Variants in PDZD2 observed in about 807,000 individuals in gnomAD.
The protein encoded by PDZD2 is PDZ domain containing 2, also known as PDZ domain-containing protein 2.
A neutral mutation model predicts 220.7 loss-of-function variants in PDZD2; 90 were observed. The ratio of observed to expected loss-of-function variants is 0.41; its 90% CI spans 0.34 to 0.49. PDZD2 has a LOEUF of 0.49. PDZD2 is among the 20% of genes least tolerant of loss of function. The probability of loss-of-function intolerance (pLI) is 0.28; values close to 1 mark genes in which losing one functional copy is unlikely to be tolerated. For missense variants in PDZD2, 3,174 were observed against 3,608.5 expected, an observed-to-expected ratio of 0.88 and a Z score of 3.08; for synonymous variants, 1,375 against 1,450.5, an observed-to-expected ratio of 0.95 and a Z score of 1.18.
intron 1 of PDZD2, among the ~76,000 whole-genome samples, chr5:31,759,140 C>T (rs1419449438): frequency 6.6e-6 from 1 of 152,006 alleles, no homozygotes; most frequent in Non-Finnish European, 1.5e-5. Flanking sequence ...TTGCCGTGCC[C>T]ACCCCCTCCT....
chr5:31,786,560 G>A (rs991732963), intron 1 of PDZD2, among the ~76,000 whole-genome samples: 33 of 152,164 alleles, frequency 2.2e-4, no homozygotes, highest in African/African-American at 7.2e-4. Context: ...GTCTGATAAA[G>A]CAATTTAGCC....
intron 2 of PDZD2, among the ~76,000 whole-genome samples, chr5:31,813,449 CAAAAAAAAAAAAAAAA>C (rs60551914): frequency 1.1e-5 from 1 of 94,190 alleles, no homozygotes; most frequent in Non-Finnish European, 1.9e-5. Flanking sequence ...GACTCCGTCT[CAAAAAAAAAAAAAAAA>C]AAAAAAAAAA....
chr5:32,010,594 A>G (rs1753215510), intron 6 of PDZD2, 112 bp downstream of exon 6: 3 of 777,078 alleles, frequency 3.9e-6, no homozygotes, highest in Middle Eastern at 2.3e-4. Context: ...CCATGATGGG[A>G]AAAGACACCA....
chr5:31,953,858 C>G (rs552262176), intron 2 of PDZD2, among the ~76,000 whole-genome samples: 1 of 152,106 alleles, frequency 6.6e-6, no homozygotes, highest in African/African-American at 2.4e-5. Flanking sequence ...ACCATGTTGG[C>G]CAGGGTGGTC....
chr5:31,891,599 G>A (rs1280097210), intron 2 of PDZD2, among the ~76,000 whole-genome samples: 2 of 152,202 alleles, frequency 1.3e-5, no homozygotes, highest in African/African-American at 4.8e-5. Flanking sequence ...ACAGGCATGA[G>A]CCACCATGCC....
rs1023636864 is a variant in PDZD2 at position 32,098,815 on chromosome 5, A to C, written c.8218+181A>C. ...AGTGTTACAAATAAATTAGAAAAAAATTAGAAAATTAGAAAAATCCCCCCA... is the reference window on the plus strand; with the variant it reads ...AGTGTTACAAATAAATTAGAAAAAACTTAGAAAATTAGAAAAATCCCCCCA... On this transcript the variant is annotated intron_variant, in intron 23 of 24. Coordinates refer to ENST00000438447, the MANE Select transcript of PDZD2 (RefSeq NM_178140.4). This position sits in a 1 kb window ranked among gnomAD's most constrained non-coding sequence, Gnocchi z 4.1. 6.6e-6 allele frequency among the ~76,000 whole-genome samples: 1 copy of C among 152,226 alleles called. No individual in the cohort carries two copies. Among genetic ancestry groups the C allele is most frequent in the African/African-American group, 2.4e-5 (1 of 41,460 alleles).
chr5:32,089,400 G>GC lies in PDZD2; in HGVS notation c.5956dup (p.Leu1986ProfsTer9). 6.2e-7 allele frequency: 1 copy of GC among 1,614,008 alleles called. No individual in the cohort carries two copies. Among genetic ancestry groups the GC allele is most frequent in the Non-Finnish European group, 8.5e-7 (1 of 1,180,024 alleles). On this transcript the variant is annotated frameshift_variant, in exon 20 of 25. Coordinates refer to ENST00000438447, the MANE Select transcript of PDZD2 (RefSeq NM_178140.4). LOFTEE classifies it high-confidence loss of function. Reference sequence around the variant, plus strand: ...ACACGAGCATCAGGACATTTGTCTCGCCCCTGACCTCTCCCAAGCCTGTTC... The same window carrying GC: ...ACACGAGCATCAGGACATTTGTCTCGCCCCCTGACCTCTCCCAAGCCTGTTC...
At chr5:31,862,552 C>A (rs1310141982) in intron 2 of PDZD2, among the ~76,000 whole-genome samples, 1 of 150,084 alleles carries the variant, frequency 6.7e-6, no homozygotes, top group East Asian at 2.0e-4. Context: ...AACCATGGCA[C>A]CTTTTCTTTT....
intron 1 of PDZD2, among the ~76,000 whole-genome samples, chr5:31,714,192 C>T (rs1003527794): frequency 3.9e-5 from 6 of 152,146 alleles, no homozygotes; most frequent in Non-Finnish European, 5.9e-5. Context: ...TAAGTTTTTC[C>T]AGGAAAGTTT....
At chr5:31,723,878 A>G (rs1385586046) in intron 1 of PDZD2, among the ~76,000 whole-genome samples, 1 of 152,050 alleles carries the variant, frequency 6.6e-6, no homozygotes, top group African/African-American at 2.4e-5. Context: ...TCGACCTCCC[A>G]AAGTGCTGGG....
At chr5:32,064,404 A>G (rs1183935482) in intron 14 of PDZD2, among the ~76,000 whole-genome samples, 4 of 151,668 alleles carry the variant, frequency 2.6e-5, no homozygotes, top group Non-Finnish European at 5.9e-5. Context: ...GCCACGCTCA[A>G]CTAATCTTTT....
At chr5:31,957,750 A>G (rs1747841827) in intron 2 of PDZD2, among the ~76,000 whole-genome samples, 2 of 152,236 alleles carry the variant, frequency 1.3e-5, no homozygotes, top group Admixed American at 1.3e-4. Context: ...TAATGAGCAT[A>G]ACAGTGATGA....
At chr5:31,696,931 G>A (rs1312859123) in intron 1 of PDZD2, among the ~76,000 whole-genome samples, 2 of 152,064 alleles carry the variant, frequency 1.3e-5, no homozygotes, top group Admixed American at 6.6e-5. Flanking sequence ...AAGGTTCCAG[G>A]GTCATTGCAG....
intron 7 of PDZD2, among the ~76,000 whole-genome samples, chr5:32,041,279 G>A (rs903017191): frequency 1.3e-5 from 2 of 151,600 alleles, no homozygotes; most frequent in African/African-American, 2.4e-5. Flanking sequence ...TGGCCGCCCC[G>A]TCTGGGAAGT....
intron 1 of PDZD2, among the ~76,000 whole-genome samples, chr5:31,692,262 G>A (rs1352492037): frequency 1.3e-5 from 2 of 152,298 alleles, no homozygotes; most frequent in East Asian, 1.9e-4. Flanking sequence ...GGGCGAGTGC[G>A]GGGTCCGCGG....
At chr5:31,868,009 T>G (rs1175684262) in intron 2 of PDZD2, among the ~76,000 whole-genome samples, 1 of 152,104 alleles carries the variant, frequency 6.6e-6, no homozygotes, top group Non-Finnish European at 1.5e-5. Context: ...CCTAGATAAC[T>G]GAGGGTTATC....
intron 1 of PDZD2, among the ~76,000 whole-genome samples, chr5:31,718,351 A>C (rs1322988138): frequency 6.6e-6 from 1 of 152,222 alleles, no homozygotes; most frequent in African/African-American, 2.4e-5. Flanking sequence ...CAGAAGCTCC[A>C]GTCCAGGTTG....
chr5:31,896,323 CGTGTGTGTGTG>C (rs1488646529), intron 2 of PDZD2, among the ~76,000 whole-genome samples: 2 of 136,358 alleles, frequency 1.5e-5, no homozygotes, highest in Non-Finnish European at 3.1e-5. Context: ...TTGATACTCT[CGTGTGTGTGTG>C]TGTGTGTGTG....
intron 1 of PDZD2, chr5:31,787,645 A>ACCCAGAAAT (rs1414695859): frequency 6.6e-6 from 1 of 152,038 alleles, no homozygotes; most frequent in Non-Finnish European, 1.5e-5. Flanking sequence ...AGGTCATCAA[A>ACCCAGAAAT]CCCAGAAATT....
Sources: allele counts gnomAD v4.1 joint callset (sites outside exome capture counted in the v4.1 genomes callset), GRCh38; gene constraint gnomAD v4.1.1; non-coding constraint Gnocchi (gnomAD v3.1); transcripts MANE v1.5; gene names NCBI Gene and HGNC (gene_info 2026-07-23, HGNC 2026-07-21).